Variants in PIP4P2 observed in about 807,000 individuals in gnomAD.
PIP4P2 encodes phosphatidylinositol-4,5-bisphosphate 4-phosphatase 2, also known as type 2 phosphatidylinositol 4,5-bisphosphate 4-phosphatase.
PIP4P2 carries 19 observed loss-of-function variants against 33.3 expected under a neutral mutation model. The ratio of observed to expected loss-of-function variants is 0.57; its 90% CI spans 0.40 to 0.84. The LOEUF (loss-of-function observed/expected upper bound fraction) is 0.84. Ranked by LOEUF, PIP4P2 falls within the 40% of genes least tolerant of loss-of-function variation. PIP4P2 has a pLI of 0.00. For missense variants in PIP4P2, 270 were observed against 324.7 expected (o/e 0.83, Z 1.29); for synonymous variants, 110 against 111.9 (o/e 0.98, Z 0.11).
chr8:91,036,468 C>T (rs117238148), intron 1 of PIP4P2, among the ~76,000 whole-genome samples: 1 of 152,124 alleles, frequency 6.6e-6, no homozygotes, highest in Admixed American at 6.5e-5. Context: ...CTAGGAGATA[C>T]CCTTGACACT....
chr8:91,004,346 G>C (rs4448231), intron 5 of PIP4P2, among the ~76,000 whole-genome samples: 110,620 of 151,532 alleles, frequency 0.73, 41,301 homozygotes, highest in African/African-American at 0.83. Context: ...GGCCCCCAGC[G>C]AATTGGATGG....
intron 1 of PIP4P2, among the ~76,000 whole-genome samples, chr8:91,036,782 T>C (rs1301466652): frequency 6.6e-6 from 1 of 152,222 alleles, no homozygotes; most frequent in Non-Finnish European, 1.5e-5. Context: ...GATGGGCTGA[T>C]TCATATTCAT....
At chr8:91,031,768 C>A (rs151094156) in intron 1 of PIP4P2, among the ~76,000 whole-genome samples, 1 of 152,158 alleles carries the variant, frequency 6.6e-6, no homozygotes, top group East Asian at 1.9e-4. Flanking sequence ...TAAAAGCATA[C>A]TGGAAGGAAT....
intron 1 of PIP4P2, among the ~76,000 whole-genome samples, chr8:91,030,713 A>T (rs1333090554): frequency 1.3e-5 from 2 of 152,232 alleles, no homozygotes; most frequent in African/African-American, 4.8e-5. Context: ...AGTGTAGCAC[A>T]GGTAATATAC....
intron 5 of PIP4P2, among the ~76,000 whole-genome samples, chr8:91,007,784 T>C (rs1811781744): frequency 6.6e-6 from 1 of 152,156 alleles, no homozygotes; most frequent in Non-Finnish European, 1.5e-5. Context: ...TGGCTTATTA[T>C]GTATAAATTG....
intron 5 of PIP4P2, among the ~76,000 whole-genome samples, chr8:91,004,849 G>A (rs1431759484): frequency 6.6e-6 from 1 of 152,134 alleles, no homozygotes; most frequent in Non-Finnish European, 1.5e-5. Flanking sequence ...CTGGAGAGTT[G>A]GGGGTACTGA....
chr8:91,001,547 T>C (rs554768044), intron 5 of PIP4P2, among the ~76,000 whole-genome samples: 2 of 152,228 alleles, frequency 1.3e-5, no homozygotes, highest in East Asian at 3.9e-4. Flanking sequence ...ATCCAAGCTG[T>C]TGCATGTGTC....
At chr8:91,007,973 G>A (rs1370624389) in intron 5 of PIP4P2, among the ~76,000 whole-genome samples, 1 of 152,164 alleles carries the variant, frequency 6.6e-6, no homozygotes, top group African/African-American at 2.4e-5. Context: ...ATAATTCACT[G>A]CTGGGGTACT....
At chr8:91,015,461 A>G (rs1811902285) in intron 4 of PIP4P2, among the ~76,000 whole-genome samples, 1 of 152,168 alleles carries the variant, frequency 6.6e-6, no homozygotes, top group African/African-American at 2.4e-5. Context: ...ACTTCTATCA[A>G]AAGAAATACC....
chr8:91,009,803 T>C (rs1811808671), intron 4 of PIP4P2, among the ~76,000 whole-genome samples: 1 of 151,866 alleles, frequency 6.6e-6, no homozygotes. Context: ...AAATATAAAT[T>C]TGGGTTTCCT....
rs148765932 is a variant in PIP4P2 at position 91,036,996 on chromosome 8, T to C, written c.106+3648A>G. Among the ~76,000 whole-genome samples, 147 of 152,306 alleles carry C rather than the reference T, an allele frequency of 9.7e-4. 1 individual carries two copies. The highest frequency in any genetic ancestry group is 3.4e-3 in the African/African-American group (140 of 41,560). On this transcript the variant is annotated intron_variant, in intron 1 of 6. Coordinates refer to ENST00000285419, the MANE Select transcript of PIP4P2 (RefSeq NM_018710.3). ...ATAAAGCATGGCAGTCTCAGAGTGT[T>C]CCACTTCTTACATGACAAGTTACTT...
chr8:91,036,265 G>A lies in PIP4P2; in HGVS notation c.106+4379C>T, dbSNP rs144316938. Among the ~76,000 whole-genome samples, 184 of 152,176 alleles carry A rather than the reference G, an allele frequency of 1.2e-3. 1 individual carries two copies. Among genetic ancestry groups the A allele is most frequent in the African/African-American group, 4.4e-3 (182 of 41,524 alleles). ...ATATGACAACCGGATCTACACTACA[G>A]GTCCCATTTTGCCAGAAATGGGATC... On this transcript the variant is annotated intron_variant, in intron 1 of 6. Coordinates refer to ENST00000285419, the MANE Select transcript of PIP4P2 (RefSeq NM_018710.3).
intron 5 of PIP4P2, among the ~76,000 whole-genome samples, chr8:91,002,097 G>A (rs1162460112): frequency 6.6e-6 from 1 of 152,070 alleles, no homozygotes. Context: ...GGAGGAGGCA[G>A]TATTCTAACC....
At chr8:90,996,416 C>A (rs762146208) in intron 6 of PIP4P2, among the ~76,000 whole-genome samples, 1 of 151,626 alleles carries the variant, frequency 6.6e-6, no homozygotes, top group African/African-American at 2.4e-5. Flanking sequence ...TGATAAAATC[C>A]CCAACAGTAA....
At chr8:91,004,377 A>G (rs796580857) in intron 5 of PIP4P2, among the ~76,000 whole-genome samples, 35 of 152,120 alleles carry the variant, frequency 2.3e-4, no homozygotes, top group African/African-American at 8.0e-4. Flanking sequence ...CATTGAGGGC[A>G]GATCTTCTCC....
chr8:91,031,210 TC>T (rs1812158764), intron 1 of PIP4P2, among the ~76,000 whole-genome samples: 1 of 152,210 alleles, frequency 6.6e-6, no homozygotes, highest in African/African-American at 2.4e-5. Context: ...ACAACCAAAT[TC>T]TATAAACTTG....
intron 5 of PIP4P2, among the ~76,000 whole-genome samples, chr8:90,997,083 T>C (rs1261981767): frequency 6.6e-6 from 1 of 152,048 alleles, no homozygotes; most frequent in East Asian, 1.9e-4. Context: ...ATCTTACAAA[T>C]AGCATTTGAT....
Position 91,040,717 on chromosome 8 carries a change from A to T in PIP4P2, c.33T>A (p.Pro11=), listed in dbSNP as rs1042374947. ...TTCCGGAGTGGGATGCTGACAGCAG[A>T]GGCGAGCGTTCGTCCACCCCATCAG... MAADGVDERS[P]LLSASHSGNV... Residue 11 remains proline (P), a synonymous_variant, in exon 1 of 7, where the codon CCT becomes CCA. Coordinates refer to ENST00000285419, the MANE Select transcript of PIP4P2 (RefSeq NM_018710.3). The T allele has an allele frequency of 3.1e-6, 5 of 1,612,740 alleles. No homozygotes were observed. The Admixed American group carries it at 8.3e-5, about 27-fold the overall frequency.
At chr8:90,999,605 G>A (rs1811676812) in intron 5 of PIP4P2, among the ~76,000 whole-genome samples, 3 of 152,008 alleles carry the variant, frequency 2.0e-5, no homozygotes, top group Admixed American at 2.0e-4. Context: ...AGACAGGCTA[G>A]GAAATCCATC....
Sources: allele counts gnomAD v4.1 joint callset (sites outside exome capture counted in the v4.1 genomes callset), GRCh38; gene constraint gnomAD v4.1.1; transcripts MANE v1.5; gene names NCBI Gene and HGNC (gene_info 2026-07-23, HGNC 2026-07-21).